The following DLGAP1 variants were observed in gnomAD, a reference collection of about 807,000 sequenced individuals.
DLGAP1 encodes the protein DLG associated protein 1, also known as disks large-associated protein 1.
In DLGAP1, 11 loss-of-function variants were observed where a neutral mutation model predicts 90.8. The observed-to-expected ratio is 0.12, with a 90% CI of 0.08 to 0.20. DLGAP1 has a LOEUF of 0.20. Ranked by LOEUF, DLGAP1 falls within the 10% of genes least tolerant of loss-of-function variation. The probability of loss-of-function intolerance (pLI) is 1.00; values close to 1 mark genes in which losing one functional copy is unlikely to be tolerated. For synonymous variants in DLGAP1, 558 were observed against 540.7 expected, an observed-to-expected ratio of 1.03 and a Z score of -0.44; for missense variants, 1,050 against 1,333.8, an observed-to-expected ratio of 0.79 and a Z score of 3.31.
At chr18:4,439,673 G>A (rs2083482843) in intron 1 of DLGAP1, among the ~76,000 whole-genome samples, 1 of 152,116 alleles carries the variant, frequency 6.6e-6, no homozygotes, top group African/African-American at 2.4e-5. Context: ...GCCAGGCATG[G>A]TGGCACACAC....
At chr18:4,341,064 T>C (rs1428870543) in intron 1 of DLGAP1, among the ~76,000 whole-genome samples, 1 of 152,072 alleles carries the variant, frequency 6.6e-6, no homozygotes, top group African/African-American at 2.4e-5. Flanking sequence ...CCCTTAAGTA[T>C]CTCACAAATG....
At position 3,775,209 on chromosome 18, in the gene DLGAP1, C is replaced by T. The variant is rs1184927560; in HGVS notation, c.1173-32697G>A. On this transcript the variant is annotated intron_variant, in intron 5 of 12. Coordinates refer to ENST00000315677, the MANE Select transcript of DLGAP1 (RefSeq NM_004746.4). This position sits in a 1 kb window ranked among gnomAD's most constrained non-coding sequence, Gnocchi z 4.9. ...GAAGGGTATGTAAGCATCTGGATCC[C>T]ACTGGGTTATTTTGTAACAATTCTC... 6.6e-6 allele frequency among the ~76,000 whole-genome samples: 1 copy of T among 152,180 alleles called. No homozygotes were observed.
intron 9 of DLGAP1, among the ~76,000 whole-genome samples, chr18:3,552,493 C>T (rs1043087819): frequency 6.6e-6 from 1 of 152,144 alleles, no homozygotes; most frequent in Non-Finnish European, 1.5e-5. Context: ...AAGGGTCAGC[C>T]CTCCACAATG....
rs2049763375 is a variant in DLGAP1 at position 3,498,368 on chromosome 18, T to C, written c.*817A>G. 2 of 152,256 alleles carry C rather than the reference T, an allele frequency of 1.3e-5. No individual in the cohort carries two copies. The highest frequency in any genetic ancestry group is 6.5e-5 in the Admixed American group (1 of 15,274). 9.4% of individuals were successfully genotyped at this position (152,256 alleles called of 1,614,324 possible). ...TAATAGAACAAAAAAATCCCTTATG[T>C]AGTATACTAAACCATCAGTGCCTCC... On this transcript the variant is annotated 3_prime_UTR_variant, in exon 13 of 13. Coordinates refer to ENST00000315677, the MANE Select transcript of DLGAP1 (RefSeq NM_004746.4).
chr18:4,406,345 T>G (rs1249730606), intron 1 of DLGAP1, among the ~76,000 whole-genome samples: 1 of 152,220 alleles, frequency 6.6e-6, no homozygotes. Context: ...GGGGTTTTCC[T>G]TCTGATTTAG....
chr18:4,138,472 A>T (rs1465275755), intron 2 of DLGAP1, among the ~76,000 whole-genome samples: 22 of 152,060 alleles, frequency 1.4e-4, no homozygotes, highest in Admixed American at 1.4e-3. Context: ...ATGTTGAAGC[A>T]TCCCTGGAAT....
At chr18:3,852,277 C>T (rs2069385458) in intron 4 of DLGAP1, among the ~76,000 whole-genome samples, 1 of 152,030 alleles carries the variant, frequency 6.6e-6, no homozygotes, top group African/African-American at 2.4e-5. Context: ...ATCCTTAAGG[C>T]AGTCAAGGAA....
chr18:4,134,840 GT>G (rs1158444137), intron 2 of DLGAP1, among the ~76,000 whole-genome samples: 3 of 152,132 alleles, frequency 2.0e-5, no homozygotes, highest in African/African-American at 7.2e-5. Flanking sequence ...CTGAGAGCAT[GT>G]GCACCAACAC....
At position 3,997,301 on chromosome 18, in the gene DLGAP1, T is replaced by C. The variant is rs897028781; in HGVS notation, c.-73+7815A>G. Among the ~76,000 whole-genome samples the C allele has an allele frequency of 1.7e-4, 19 of 109,984 alleles. 6 individuals are homozygous for C. Among genetic ancestry groups the C allele is most frequent in the South Asian group, 1.7e-3 (4 of 2,346 alleles). The allele number at this position is 109,984 out of a possible 152,430, so 72.2% of individuals were successfully genotyped here. Reference sequence around the variant, plus strand: ...GGTTGCAATCTTATTTTCTTGTAAGTAAAGGGAAAATGATAAAAATCAACC... The same window carrying C: ...GGTTGCAATCTTATTTTCTTGTAAGCAAAGGGAAAATGATAAAAATCAACC... On this transcript the variant is annotated intron_variant, in intron 3 of 12. Transcript: ENST00000315677.
intron 1 of DLGAP1, among the ~76,000 whole-genome samples, chr18:4,337,908 T>A (rs916438470): frequency 6.6e-6 from 1 of 152,026 alleles, no homozygotes; most frequent in African/African-American, 2.4e-5. Flanking sequence ...TCAGGGGTCA[T>A]TTTTTTTCCA....
At chr18:4,033,019 T>A (rs2074824040) in intron 2 of DLGAP1, among the ~76,000 whole-genome samples, 1 of 152,196 alleles carries the variant, frequency 6.6e-6, no homozygotes, top group African/African-American at 2.4e-5. Flanking sequence ...TCAGAGGAAC[T>A]TATTCTTTCC....
At chr18:3,873,074 GA>G (rs2148807942) in intron 4 of DLGAP1, among the ~76,000 whole-genome samples, 1 of 152,302 alleles carries the variant, frequency 6.6e-6, no homozygotes, top group South Asian at 2.1e-4. Flanking sequence ...TAACTTCCAA[GA>G]AGGCTTTCCT....
At chr18:3,978,916 T>C (rs148958271) in intron 3 of DLGAP1, among the ~76,000 whole-genome samples, 2,653 of 152,240 alleles carry the variant, frequency 0.017, 44 homozygotes, top group Middle Eastern at 0.031. Flanking sequence ...GAAGAGTACG[T>C]GGAAAGTGTA....
intron 1 of DLGAP1, among the ~76,000 whole-genome samples, chr18:4,347,246 T>C (rs1349987987): frequency 6.6e-6 from 1 of 152,054 alleles, no homozygotes; most frequent in Admixed American, 6.6e-5. Context: ...CCAGATAGTG[T>C]CATGGTAAAA....
At chr18:4,132,206 C>A (rs1232035774) in intron 2 of DLGAP1, among the ~76,000 whole-genome samples, 1 of 152,120 alleles carries the variant, frequency 6.6e-6, no homozygotes, top group Non-Finnish European at 1.5e-5. Context: ...ACAATTCATT[C>A]TTTTCACTGA....
At chr18:3,767,937 A>G (rs79385880) in intron 5 of DLGAP1, among the ~76,000 whole-genome samples, 101 of 152,226 alleles carry the variant, frequency 6.6e-4, no homozygotes, top group Middle Eastern at 3.4e-3. Context: ...AGGAAATAAA[A>G]GGCATAGAGT....
chr18:3,568,984 C>A (rs1399845903), intron 8 of DLGAP1, among the ~76,000 whole-genome samples: 1 of 149,742 alleles, frequency 6.7e-6, no homozygotes, highest in African/African-American at 2.5e-5. Flanking sequence ...CCACGCCTGG[C>A]CTAAATGATT....
intron 9 of DLGAP1, among the ~76,000 whole-genome samples, chr18:3,537,638 C>T (rs2052452193): frequency 1.3e-5 from 2 of 152,156 alleles, no homozygotes; most frequent in African/African-American, 2.4e-5. Flanking sequence ...CGAGGTAGAA[C>T]TACTGAGTCA....
chr18:3,568,749 C>T (rs1052255409), intron 8 of DLGAP1, among the ~76,000 whole-genome samples: 54 of 152,142 alleles, frequency 3.5e-4, no homozygotes, highest in African/African-American at 1.3e-3. Context: ...TGCAGTGGCA[C>T]GATCTCGGCT....
Sources: gnomAD v4.1 joint callset for allele counts (sites outside exome capture counted in the v4.1 genomes callset) on GRCh38, gnomAD v4.1.1 for gene constraint, Gnocchi (gnomAD v3.1) non-coding constraint, MANE v1.5 for transcripts, NCBI Gene and HGNC (gene_info 2026-07-23, HGNC 2026-07-21) for gene names.